USP34: variants seen among roughly 807,000 people sequenced by gnomAD.
The protein encoded by USP34 is ubiquitin specific peptidase 34.
In USP34, 70 loss-of-function variants were observed where a neutral mutation model predicts 460.3. That is an observed-to-expected ratio of 0.15 (90% CI 0.13 to 0.19). The LOEUF is 0.19. Ranked by LOEUF, USP34 falls within the 10% of genes least tolerant of loss-of-function variation. The probability of loss-of-function intolerance (pLI) is 1.00; values close to 1 mark genes in which losing one functional copy is unlikely to be tolerated. For synonymous variants in USP34, 1,647 were observed against 1,405.3 expected, an observed-to-expected ratio of 1.17 and a Z score of -3.85; for missense variants, 3,985 against 4,236.2, an observed-to-expected ratio of 0.94 and a Z score of 1.65.
intron 2 of USP34, among the ~76,000 whole-genome samples, chr2:61,406,616 A>C (rs1295715616): frequency 6.6e-6 from 1 of 151,772 alleles, no homozygotes; most frequent in East Asian, 1.9e-4. Flanking sequence ...GGCAAATCAA[A>C]AGTGTTTAGG....
At position 61,214,688 on chromosome 2, in the gene USP34, G is replaced by A; in HGVS notation, c.8054C>T (p.Ala2685Val). 4 of 1,613,504 alleles carry A rather than the reference G, an allele frequency of 2.5e-6. No individual in the cohort carries two copies. Among genetic ancestry groups the A allele is most frequent in the Non-Finnish European group, 3.4e-6 (4 of 1,179,764 alleles). Residue 2685 changes from alanine to valine, a missense_variant, in exon 68 of 80, where the codon GCT becomes GTT. Physicochemically the swap from Ala to Val is moderately conservative, Grantham distance 64. Coordinates refer to ENST00000398571, the MANE Select transcript of USP34 (RefSeq NM_014709.4). ...HNYPRVRTSA[A>V]YLLVSLIPSN... ...TGGTATAAGGGACACCAGAAGATAAGCTGCAGCTATAAAATGTAAAACAAA... is the reference window on the plus strand; with the variant it reads ...TGGTATAAGGGACACCAGAAGATAAACTGCAGCTATAAAATGTAAAACAAA...
intron 5 of USP34, among the ~76,000 whole-genome samples, chr2:61,386,697 G>A (rs1693156000): frequency 2.0e-5 from 3 of 152,136 alleles, no homozygotes; most frequent in Admixed American, 6.6e-5. Flanking sequence ...GACTGAGGCA[G>A]GAGAATCGCT....
At chr2:61,300,132 G>C (rs982869436) in intron 29 of USP34, among the ~76,000 whole-genome samples, 1 of 152,158 alleles carries the variant, frequency 6.6e-6, no homozygotes, top group Non-Finnish European at 1.5e-5. Context: ...TTTCTCCAAA[G>C]AAACTTATTA....
At chr2:61,324,950 T>A (rs1347169853) in intron 21 of USP34, among the ~76,000 whole-genome samples, 1 of 152,056 alleles carries the variant, frequency 6.6e-6, no homozygotes, top group Non-Finnish European at 1.5e-5. Flanking sequence ...TGCAGCAACA[T>A]AAATGGAACT....
Position 61,296,843 on chromosome 2 carries a change from C to G in USP34, c.4211G>C (p.Cys1404Ser). ...CTGGAATGCCATCAACATATTAGGACATGTAGGAAGAAGCATCAGTAGCTC... is the reference window on the plus strand; with the variant it reads ...CTGGAATGCCATCAACATATTAGGAGATGTAGGAAGAAGCATCAGTAGCTC... ...VWELLMLLPT[C>S]PNMLMAFQNI... Residue 1404 changes from cysteine to serine, a missense_variant, in exon 30 of 80, where the codon TGT (cysteine) becomes TCT (serine). By Grantham distance (112) the Cys-to-Ser change is moderately radical. Coordinates refer to ENST00000398571, the MANE Select transcript of USP34 (RefSeq NM_014709.4). 1 of 1,613,816 alleles carries G rather than the reference C, an allele frequency of 6.2e-7. No individual in the cohort carries two copies. The highest frequency in any genetic ancestry group is 8.5e-7 in the Non-Finnish European group (1 of 1,179,894).
chr2:61,236,416 G>C (rs1478440590), intron 53 of USP34, 27 bp from the exon 54 acceptor site: 1 of 1,522,556 alleles, frequency 6.6e-7, no homozygotes, highest in Non-Finnish European at 8.9e-7. Context: ...TAACATTAGT[G>C]ATAAAGCAGT....
chr2:61,324,499 G>A (rs907195030), intron 21 of USP34, among the ~76,000 whole-genome samples: 1 of 152,148 alleles, frequency 6.6e-6, no homozygotes, highest in African/African-American at 2.4e-5. Flanking sequence ...AGTCAGCCAG[G>A]TGCAGTGACA....
chr2:61,258,293 T>C (rs1688775863), intron 44 of USP34, among the ~76,000 whole-genome samples: 1 of 152,104 alleles, frequency 6.6e-6, no homozygotes, highest in African/African-American at 2.4e-5. Context: ...CACTGAACTC[T>C]AGCCTGGGTG....
At chr2:61,291,801 A>G (rs188848004) in intron 33 of USP34, among the ~76,000 whole-genome samples, 1 of 152,320 alleles carries the variant, frequency 6.6e-6, no homozygotes, top group East Asian at 1.9e-4. Flanking sequence ...AAACTCATAA[A>G]CAAATGCTCA....
intron 57 of USP34, among the ~76,000 whole-genome samples, chr2:61,232,860 T>TC (rs1165219820): frequency 0.014 from 945 of 66,376 alleles, 15 homozygotes; most frequent in Middle Eastern, 0.033. Context: ...ATATATATAT[T>TC]CCCCCCCCCC....
At chr2:61,346,212 C>T (rs1182178624) in intron 15 of USP34, 1 of 152,008 alleles carries the variant, frequency 6.6e-6, no homozygotes, top group South Asian at 2.1e-4. Flanking sequence ...GTGACCATTA[C>T]ACACATAAAA....
chr2:61,363,834 A>C (rs1245192937), intron 10 of USP34, among the ~76,000 whole-genome samples: 2 of 136,206 alleles, frequency 1.5e-5, no homozygotes, highest in African/African-American at 5.2e-5. Context: ...AATAAAATGC[A>C]GTATATACAT....
chr2:61,430,135 G>C (rs1277887831), intron 1 of USP34, among the ~76,000 whole-genome samples: 1 of 150,714 alleles, frequency 6.6e-6, no homozygotes, highest in East Asian at 1.9e-4. Context: ...GAATGGCGTG[G>C]ACCCGAGAGG....
At chr2:61,315,038 G>A (rs1690700252) in intron 23 of USP34, 64 bp from the exon 24 acceptor site, 1 of 1,244,820 alleles carries the variant, frequency 8.0e-7, no homozygotes, top group East Asian at 2.4e-5. Context: ...CATTAAGACT[G>A]AAGTATCAAA....
chr2:61,221,128 A>G (rs972751701), intron 66 of USP34, among the ~76,000 whole-genome samples: 1 of 152,172 alleles, frequency 6.6e-6, no homozygotes, highest in African/African-American at 2.4e-5. Flanking sequence ...AGCTTTTCCA[A>G]TACTCAAACA....
intron 10 of USP34, among the ~76,000 whole-genome samples, chr2:61,370,010 T>G (rs1485814855): frequency 7.0e-6 from 1 of 142,698 alleles, no homozygotes; most frequent in Non-Finnish European, 1.5e-5. Flanking sequence ...AAACAGTACA[T>G]CAGACAAGAA....
chr2:61,197,231 A>G (rs1686835819), intron 75 of USP34, among the ~76,000 whole-genome samples: 1 of 152,212 alleles, frequency 6.6e-6, no homozygotes, highest in South Asian at 2.1e-4. Flanking sequence ...AAACTGTGCC[A>G]CTGTACTCCA....
At chr2:61,442,396 A>G (rs373174810) in intron 1 of USP34, among the ~76,000 whole-genome samples, 8 of 144,308 alleles carry the variant, frequency 5.5e-5, no homozygotes, top group African/African-American at 2.1e-4. Flanking sequence ...GAACTCAAAC[A>G]TCTTAACAGC....
intron 2 of USP34, chr2:61,416,920 T>C (rs1345224079): frequency 3.7e-6 from 4 of 1,094,358 alleles, no homozygotes; most frequent in East Asian, 2.5e-5. Flanking sequence ...CAGAGGGCCA[T>C]GAATGGCGAC....
Sources: allele counts gnomAD v4.1 joint callset (sites outside exome capture counted in the v4.1 genomes callset), GRCh38; gene constraint gnomAD v4.1.1; transcripts MANE v1.5; gene names NCBI Gene and HGNC (gene_info 2026-07-23, HGNC 2026-07-21).